The following PCGF6 variants were observed in gnomAD, a reference collection of about 807,000 sequenced individuals.
PCGF6 encodes the protein polycomb group ring finger 6, also known as polycomb group RING finger protein 6.
A neutral mutation model predicts 45.5 loss-of-function variants in PCGF6; 24 were observed. That is an observed-to-expected ratio of 0.53 (90% CI 0.38 to 0.74). The LOEUF (loss-of-function observed/expected upper bound fraction) is 0.74, where lower values mean the gene tolerates loss of function less well. PCGF6 is among the 30% of genes least tolerant of loss of function. The pLI is 0.00. For synonymous variants in PCGF6, 152 were observed against 162.1 expected (o/e 0.94, Z 0.47); for missense variants, 356 against 443.2 (o/e 0.80, Z 1.77).
intron 8 of PCGF6, among the ~76,000 whole-genome samples, chr10:103,325,566 T>C (rs1423043807): frequency 2.6e-5 from 4 of 152,106 alleles, no homozygotes; most frequent in African/African-American, 9.7e-5. Context: ...TTGTTATACT[T>C]GAACAACTAA....
Position 103,314,211 on chromosome 10 carries a change from C to T in PCGF6, c.971G>A (p.Arg324His), listed in dbSNP as rs374125579. 46 of 1,605,184 alleles carry T rather than the reference C, an allele frequency of 2.9e-5. No individual in the cohort carries two copies. The South Asian group carries it at 3.1e-4, about 11-fold the overall frequency. The change falls in exon 9 of 10, where the codon CGT (arginine) becomes CAT (histidine). Residue 324 changes from arginine to histidine, a missense_variant. Coordinates refer to ENST00000369847, the MANE Select transcript of PCGF6 (RefSeq NM_001011663.2). ...CTGCATTGCTGCATCACCTATTGCA[C>T]GTCGGATTTCCCTTAGAGTTTGATA... is the stretch of plus-strand genomic sequence containing the variant. ...EQYQTLREIR[R>H]AIGDAAMQDG...
intron 9 of PCGF6, among the ~76,000 whole-genome samples, chr10:103,310,030 A>C (rs1199905455): frequency 1.3e-5 from 2 of 150,834 alleles, no homozygotes; most frequent in Non-Finnish European, 2.9e-5. Flanking sequence ...CAGCTCATTG[A>C]AACCTCTGCC....
At chr10:103,340,967 C>T (rs1034021989) in intron 6 of PCGF6, among the ~76,000 whole-genome samples, 10 of 152,130 alleles carry the variant, frequency 6.6e-5, no homozygotes, top group African/African-American at 1.2e-4. Flanking sequence ...CGGTGGCTCA[C>T]GCCTGTAATC....
Position 103,347,266 on chromosome 10 carries a change from T to C in PCGF6, c.645A>G (p.Lys215=). 1 of 1,609,056 alleles carries C rather than the reference T, an allele frequency of 6.2e-7. No homozygotes were observed. Residue 215 remains lysine, a synonymous_variant, in exon 5 of 10, where the codon AAA becomes AAG. Transcript: ENST00000369847. ...GTTTAGGTACTTCTAGACCTCTTTCTTTATAGAAATCATGCATTTGCTTTT... is the reference window on the plus strand; with the variant it reads ...GTTTAGGTACTTCTAGACCTCTTTCCTTATAGAAATCATGCATTTGCTTTT... ...REKKQMHDFY[K]ERGLEVPKPA...
intron 8 of PCGF6, among the ~76,000 whole-genome samples, chr10:103,316,859 T>A (rs918060655): frequency 6.6e-6 from 1 of 152,108 alleles, no homozygotes. Context: ...AGAACCCGGG[T>A]TGGCATACTC....
chr10:103,315,092 C>T (rs890153809), intron 8 of PCGF6, among the ~76,000 whole-genome samples: 2 of 151,410 alleles, frequency 1.3e-5, no homozygotes, highest in African/African-American at 4.9e-5. Context: ...TAGTACAACA[C>T]TGACTTGAAG....
intron 7 of PCGF6, among the ~76,000 whole-genome samples, chr10:103,333,157 G>C (rs1273692727): frequency 1.3e-5 from 2 of 150,570 alleles, no homozygotes; most frequent in African/African-American, 4.9e-5. Flanking sequence ...ACTTAAAACT[G>C]CATTCCCTCT....
At chr10:103,329,667 T>C (rs2093232663) in intron 7 of PCGF6, among the ~76,000 whole-genome samples, 1 of 151,418 alleles carries the variant, frequency 6.6e-6, no homozygotes, top group Non-Finnish European at 1.5e-5. Flanking sequence ...GAGACAGGGT[T>C]TCACCATGTT....
intron 8 of PCGF6, among the ~76,000 whole-genome samples, chr10:103,315,320 G>A (rs1282884492): frequency 6.6e-6 from 1 of 152,050 alleles, no homozygotes; most frequent in South Asian, 2.1e-4. Context: ...CAAGTAGCTG[G>A]GACTAGAGGT....
chr10:103,307,321 C>T (rs1462433448), intron 9 of PCGF6, among the ~76,000 whole-genome samples: 1 of 151,714 alleles, frequency 6.6e-6, no homozygotes, highest in Admixed American at 6.6e-5. Flanking sequence ...CTCTGGTAAC[C>T]AGCCACACGG....
chr10:103,350,156 G>C (rs951804828), intron 1 of PCGF6, among the ~76,000 whole-genome samples: 1 of 151,870 alleles, frequency 6.6e-6, no homozygotes, highest in African/African-American at 2.4e-5. Flanking sequence ...TAATTATACA[G>C]GACAGGCAAC....
intron 8 of PCGF6, among the ~76,000 whole-genome samples, chr10:103,323,669 T>C (rs1039684727): frequency 6.6e-6 from 1 of 152,016 alleles, no homozygotes; most frequent in East Asian, 1.9e-4. Flanking sequence ...CTTGACTCAC[T>C]GCAATCTCCA....
intron 9 of PCGF6, among the ~76,000 whole-genome samples, chr10:103,308,170 G>A (rs577223180): frequency 6.6e-5 from 10 of 152,244 alleles, no homozygotes; most frequent in African/African-American, 2.4e-4. Context: ...ACTGCCCAGT[G>A]GTGCTGTGAG....
chr10:103,348,625 G>A (rs932541586), intron 3 of PCGF6, 91 bp downstream of exon 3: 4 of 1,001,006 alleles, frequency 4.0e-6, no homozygotes, highest in East Asian at 2.6e-5. Flanking sequence ...AACCCATCCT[G>A]AGAGGTCAAT....
At chr10:103,345,225 A>G (rs1438977823) in intron 5 of PCGF6, 93 bp from the exon 6 acceptor site, 2 of 863,942 alleles carry the variant, frequency 2.3e-6, no homozygotes, top group African/African-American at 3.4e-5. Flanking sequence ...AATTATGTTG[A>G]GTATTTAAAA....
chr10:103,309,545 T>C (rs2093149285), intron 9 of PCGF6, among the ~76,000 whole-genome samples: 1 of 152,324 alleles, frequency 6.6e-6, no homozygotes, highest in Non-Finnish European at 1.5e-5. Flanking sequence ...ATCTGTTTTA[T>C]TTGTAAATCA....
At chr10:103,306,151 G>A (rs1361321805) in intron 9 of PCGF6, among the ~76,000 whole-genome samples, 1 of 150,596 alleles carries the variant, frequency 6.6e-6, no homozygotes, top group Non-Finnish European at 1.5e-5. Flanking sequence ...AGGTTGGAGT[G>A]CAATGGTGCC....
chr10:103,307,855 G>A (rs756994061), intron 9 of PCGF6, among the ~76,000 whole-genome samples: 5 of 152,148 alleles, frequency 3.3e-5, no homozygotes, highest in Admixed American at 6.6e-5. Context: ...GTTAAGTGAC[G>A]CATAACTGCA....
intron 8 of PCGF6, among the ~76,000 whole-genome samples, chr10:103,316,846 G>C (rs750473360): frequency 1.6e-4 from 25 of 152,072 alleles, no homozygotes; most frequent in Middle Eastern, 3.2e-3. Flanking sequence ...AGAATTATGA[G>C]ATAGAACCCG....
Sources: allele counts gnomAD v4.1 joint callset (sites outside exome capture counted in the v4.1 genomes callset), GRCh38; gene constraint gnomAD v4.1.1; transcripts MANE v1.5; gene names NCBI Gene and HGNC (gene_info 2026-07-23, HGNC 2026-07-21).